The following PLB1 variants were observed in gnomAD, a reference collection of about 807,000 sequenced individuals.
PLB1 encodes the protein phospholipase B1, membrane-associated.
PLB1 carries 242 observed loss-of-function variants against 227.4 expected under a neutral mutation model. The ratio of observed to expected loss-of-function variants is 1.06; its 90% CI spans 0.96 to 1.18. The LOEUF is 1.18. Among genes scored for constraint, PLB1 ranks in the 50% most tolerant of loss-of-function variants. The probability of loss-of-function intolerance (pLI) is 0.00; values close to 1 mark genes in which losing one functional copy is unlikely to be tolerated. For missense variants in PLB1, 1,858 were observed against 1,816.3 expected (o/e 1.02, Z -0.42); for synonymous variants, 757 against 682.2 (o/e 1.11, Z -1.71).
intron 4 of PLB1, among the ~76,000 whole-genome samples, chr2:28,522,643 C>T (rs1349573203): frequency 6.6e-6 from 1 of 152,148 alleles, no homozygotes. Flanking sequence ...CAGTGACTTG[C>T]ACTCCTTGGT....
In PLB1 at chr2:28,605,271, G is replaced by A. The variant is rs1363213014; in HGVS notation, c.2961+512G>A. On this transcript the variant is annotated intron_variant, in intron 41 of 57. Transcript: ENST00000327757. ...TGGCACTTCCACTCTGAACAGAAGA[G>A]ATCTGTGAGTGGACCAGGTGAGGAC... is the stretch of plus-strand genomic sequence containing the variant. Among the ~76,000 whole-genome samples the A allele has an allele frequency of 3.9e-5, 6 of 152,144 alleles. No individual in the cohort carries two copies. The East Asian group carries it at 1.2e-3, about 29-fold the overall frequency.
intron 21 of PLB1, 47 bp downstream of exon 21, chr2:28,573,352 A>G (rs780080369): frequency 3.5e-6 from 5 of 1,448,236 alleles, no homozygotes; most frequent in African/African-American, 1.4e-5. Context: ...TCCTCTGAGG[A>G]CCAGGGGTGG....
chr2:28,524,183 G>A (rs1307696260), intron 4 of PLB1, among the ~76,000 whole-genome samples: 3 of 152,188 alleles, frequency 2.0e-5, no homozygotes, highest in Non-Finnish European at 4.4e-5. Flanking sequence ...AGTAGGTGAC[G>A]CGGTGTAGCT....
intron 1 of PLB1, among the ~76,000 whole-genome samples, chr2:28,498,015 G>A (rs1378898402): frequency 1.3e-5 from 2 of 151,410 alleles, no homozygotes; most frequent in East Asian, 1.9e-4. Flanking sequence ...CACCGTGCCC[G>A]GCCTTTATTC....
intron 14 of PLB1, among the ~76,000 whole-genome samples, chr2:28,546,847 A>G (rs1673339086): frequency 1.3e-5 from 2 of 152,184 alleles, no homozygotes; most frequent in African/African-American, 4.8e-5. Flanking sequence ...TGTCAGAGTC[A>G]TTTAGATATG....
chr2:28,594,166 A>C, intron 33 of PLB1: 1 of 455,080 alleles, frequency 2.2e-6, no homozygotes, highest in Non-Finnish European at 4.5e-6. Flanking sequence ...CTGCCTTTAC[A>C]TATATGTACA....
intron 17 of PLB1, among the ~76,000 whole-genome samples, chr2:28,562,300 T>A (rs2204671): frequency 6.6e-6 from 1 of 151,712 alleles, no homozygotes; most frequent in African/African-American, 2.4e-5. Context: ...TCCCAGCACT[T>A]TGGGAGGCCA....
intron 20 of PLB1, among the ~76,000 whole-genome samples, chr2:28,569,586 A>G (rs896953961): frequency 6.6e-6 from 1 of 152,206 alleles, no homozygotes; most frequent in African/African-American, 2.4e-5. Flanking sequence ...CCATGAACAA[A>G]TTGTATGCCA....
At chr2:28,592,892 G>C in intron 32 of PLB1, 173 bp downstream of exon 32, 1 of 604,544 alleles carries the variant, frequency 1.7e-6, no homozygotes, top group Admixed American at 3.3e-5. Flanking sequence ...TTCTCAAACG[G>C]ATATGCAGAG....
rs756768446 is a variant in PLB1, at chr2:28,589,480, C to A, written c.1846C>A (p.Arg616=). The A allele has an allele frequency of 1.9e-6, 3 of 1,613,912 alleles. No individual in the cohort carries two copies. Among genetic ancestry groups the A allele is most frequent in the Non-Finnish European group, 2.5e-6 (3 of 1,180,004 alleles). Reference sequence around the variant, plus strand: ...GACCCACCAACTGATTGAGAGTGGGCGATATGACACAAGGGAAGATTTTAC... The same window carrying A: ...GACCCACCAACTGATTGAGAGTGGGAGATATGACACAAGGGAAGATTTTAC... The part of the protein sequence containing the change: ...EKTHQLIESG[R]YDTREDFTVV... The change falls in exon 27 of 58, where the codon CGA becomes AGA. Residue 616 remains arginine, a synonymous_variant. Coordinates refer to ENST00000327757, the MANE Select transcript of PLB1 (RefSeq NM_153021.5).
intron 48 of PLB1, 85 bp downstream of exon 48, chr2:28,620,728 G>A: frequency 3.2e-6 from 5 of 1,585,724 alleles, no homozygotes; most frequent in Non-Finnish European, 2.6e-6. Flanking sequence ...GGAAGAGGAG[G>A]TTATCTGCAA....
Position 28,538,318 on chromosome 2 carries a change from G to A in PLB1, c.556-1G>A. On this transcript the variant is annotated splice_acceptor_variant, in intron 9 of 57. Coordinates refer to ENST00000327757, the MANE Select transcript of PLB1 (RefSeq NM_153021.5). LOFTEE classifies it high-confidence loss of function. ...CACTTAGCACGGTTCTCCTCTCACAGAATGGGCTTGCGGCGGGCGGCGTGG... is the reference window on the plus strand; with the variant it reads ...CACTTAGCACGGTTCTCCTCTCACAAAATGGGCTTGCGGCGGGCGGCGTGG... 1 of 1,614,124 alleles carries A rather than the reference G, an allele frequency of 6.2e-7. No individual in the cohort carries two copies. Among genetic ancestry groups the A allele is most frequent in the Non-Finnish European group, 8.5e-7 (1 of 1,180,020 alleles).
At chr2:28,641,665 C>T (rs889446475) in intron 57 of PLB1, among the ~76,000 whole-genome samples, 6 of 152,092 alleles carry the variant, frequency 3.9e-5, no homozygotes, top group Non-Finnish European at 7.4e-5. Context: ...ATCTGGGGAT[C>T]GGGAGGCAAA....
At chr2:28,563,008 C>T (rs1676299453) in intron 17 of PLB1, 33 bp from the exon 18 acceptor site, 1 of 1,593,908 alleles carries the variant, frequency 6.3e-7, no homozygotes, top group South Asian at 1.1e-5. Flanking sequence ...CCTGGAAGCC[C>T]CATTTTCCAC....
intron 12 of PLB1, 28 bp from the exon 13 acceptor site, chr2:28,541,679 A>G (rs1672503927): frequency 1.9e-6 from 3 of 1,580,216 alleles, no homozygotes; most frequent in Non-Finnish European, 2.6e-6. Context: ...ATGTTCCTGG[A>G]TGGGCACCTC....
intron 12 of PLB1, among the ~76,000 whole-genome samples, chr2:28,540,703 TAGTG>T (rs1221481025): frequency 6.6e-6 from 1 of 152,042 alleles, no homozygotes; most frequent in East Asian, 1.9e-4. Flanking sequence ...AGGCAAAAGA[TAGTG>T]AGGAACTTCG....
chr2:28,591,553 A>C (rs1373607221), intron 30 of PLB1, 147 bp from the exon 31 acceptor site: 2 of 735,970 alleles, frequency 2.7e-6, no homozygotes, highest in Non-Finnish European at 4.4e-6. Context: ...TCACCTAGGG[A>C]GCCTTCTTCA....
intron 14 of PLB1, among the ~76,000 whole-genome samples, chr2:28,547,216 AG>A (rs58754837): frequency 0.044 from 2,570 of 58,724 alleles, 90 homozygotes; most frequent in African/African-American, 0.097. Flanking sequence ...AAAAAAAAAA[AG>A]AAAAAAAAAA....
chr2:28,521,455 G>T (rs1231821986), intron 4 of PLB1, among the ~76,000 whole-genome samples: 1 of 152,172 alleles, frequency 6.6e-6, no homozygotes, highest in African/African-American at 2.4e-5. Flanking sequence ...TCTGGGGTTG[G>T]TTGGTTGTGG....
Sources: gnomAD v4.1 joint callset for allele counts (sites outside exome capture counted in the v4.1 genomes callset) on GRCh38, gnomAD v4.1.1 for gene constraint, MANE v1.5 for transcripts, NCBI Gene and HGNC (gene_info 2026-07-23, HGNC 2026-07-21) for gene names.